Variants in RECK observed in about 807,000 individuals in gnomAD.
RECK encodes the protein reversion-inducing cysteine-rich protein with Kazal motifs.
RECK carries 69 observed loss-of-function variants against 115.1 expected under a neutral mutation model. That is an observed-to-expected ratio of 0.60 (90% CI 0.49 to 0.73). The LOEUF (loss-of-function observed/expected upper bound fraction) is 0.73. RECK is among the 30% of genes least tolerant of loss of function. The pLI is 0.00. For synonymous variants in RECK, 414 were observed against 419.7 expected (o/e 0.99, Z 0.17); for missense variants, 1,047 against 1,203.7 (o/e 0.87, Z 1.93).
chr9:36,073,241 G>GACACACACACACACACACACACACAC (rs778489595), intron 6 of RECK, among the ~76,000 whole-genome samples: 2 of 67,496 alleles, frequency 3.0e-5, no homozygotes, highest in African/African-American at 9.1e-5. Flanking sequence ...GACACACACA[G>GACACACACACACACACACACACACAC]ACACACACAC....
chr9:36,071,542 T>C (rs936509678), intron 6 of RECK, among the ~76,000 whole-genome samples: 4 of 152,236 alleles, frequency 2.6e-5, no homozygotes, highest in Non-Finnish European at 5.9e-5. Context: ...ATTTTTTTAC[T>C]TGTTTCTTCC....
chr9:36,057,004 CTATTTGCAGG>C (rs1465049543), intron 2 of RECK: 1 of 985,142 alleles, frequency 1.0e-6, no homozygotes, highest in African/African-American at 1.7e-5. Context: ...ACCGTCTCAG[CTATTTGCAGG>C]TAATCATGAA....
chr9:36,112,259 G>A, intron 15 of RECK, 46 bp from the exon 16 acceptor site: 1 of 1,575,250 alleles, frequency 6.3e-7, no homozygotes, highest in Admixed American at 1.7e-5. Flanking sequence ...ATAAGGGGAG[G>A]GGGAATATAC....
intron 8 of RECK, 48 bp from the exon 9 acceptor site, chr9:36,087,642 AAAAC>A: frequency 6.4e-7 from 1 of 1,571,050 alleles, no homozygotes; most frequent in Non-Finnish European, 8.6e-7. Flanking sequence ...AAGTACAATA[AAAAC>A]AAACAAAAAA....
At chr9:36,092,368 A>G (rs1424105087) in intron 10 of RECK, among the ~76,000 whole-genome samples, 2 of 151,452 alleles carry the variant, frequency 1.3e-5, no homozygotes, top group Non-Finnish European at 2.9e-5. Flanking sequence ...GAGGGTCTAC[A>G]TCTTTTTTTT....
intron 1 of RECK, among the ~76,000 whole-genome samples, chr9:36,049,595 C>G (rs954559604): frequency 2.0e-5 from 3 of 152,176 alleles, no homozygotes; most frequent in African/African-American, 7.2e-5. Flanking sequence ...GCCCATGGGC[C>G]ACCGTTTGGG....
intron 6 of RECK, chr9:36,066,851 T>C: frequency 1.6e-6 from 2 of 1,289,076 alleles, no homozygotes; most frequent in South Asian, 2.5e-5. Flanking sequence ...TATGTGTTGA[T>C]GAAGGACAAG....
chr9:36,049,345 A>AGG (rs1821195262), intron 1 of RECK, among the ~76,000 whole-genome samples: 1 of 152,158 alleles, frequency 6.6e-6, no homozygotes, highest in South Asian at 2.1e-4. Flanking sequence ...ATGTGGCTAA[A>AGG]AGCCCCAGCT....
chr9:36,118,984 G>A lies in RECK; in HGVS notation c.2464+17G>A, dbSNP rs775107099. 41 of 1,607,592 alleles carry A rather than the reference G, an allele frequency of 2.6e-5. No homozygotes were observed. The highest frequency in any genetic ancestry group is 2.2e-4 in the Middle Eastern group (1 of 4,498). ...TCCCACCGGGTAGGCTGGCAGTATC[G>A]GGGTGGACAGGGGAGGACTGAGAAG... is the stretch of plus-strand genomic sequence containing the variant. On this transcript the variant is annotated intron_variant, in intron 18 of 20. Coordinates refer to ENST00000377966, the MANE Select transcript of RECK (RefSeq NM_021111.3).
At chr9:36,114,634 C>T (rs865832395) in intron 16 of RECK, among the ~76,000 whole-genome samples, 4 of 152,198 alleles carry the variant, frequency 2.6e-5, no homozygotes, top group Admixed American at 6.5e-5. Flanking sequence ...AGGCAGATCG[C>T]TTGAGCTCAG....
At chr9:36,064,451 G>A (rs552447283) in intron 5 of RECK, among the ~76,000 whole-genome samples, 1 of 152,326 alleles carries the variant, frequency 6.6e-6, no homozygotes, top group African/African-American at 2.4e-5. Flanking sequence ...GGAAAAACTA[G>A]CCTCTTGGTT....
intron 10 of RECK, 27 bp downstream of exon 10, chr9:36,091,370 G>A: frequency 7.4e-7 from 1 of 1,357,558 alleles, no homozygotes; most frequent in Non-Finnish European, 9.8e-7. Flanking sequence ...TACATGGAAT[G>A]GAAATATTTT....
intron 6 of RECK, among the ~76,000 whole-genome samples, chr9:36,075,592 G>A (rs1822418613): frequency 6.6e-6 from 1 of 152,154 alleles, no homozygotes; most frequent in African/African-American, 2.4e-5. Context: ...ACACCTTGTA[G>A]AGGTTTAAAA....
At chr9:36,041,344 A>G (rs1176464685) in intron 1 of RECK, among the ~76,000 whole-genome samples, 2 of 152,232 alleles carry the variant, frequency 1.3e-5, no homozygotes, top group African/African-American at 4.8e-5. Flanking sequence ...TGTTCTGACC[A>G]TGAGATAATT....
At chr9:36,092,495 C>A (rs1823196760) in intron 10 of RECK, among the ~76,000 whole-genome samples, 1 of 151,576 alleles carries the variant, frequency 6.6e-6, no homozygotes, top group Non-Finnish European at 1.5e-5. Flanking sequence ...CCTGCCTCAG[C>A]CTCCCAAGTA....
chr9:36,110,139 C>T, intron 15 of RECK, 60 bp downstream of exon 15: 1 of 1,550,492 alleles, frequency 6.4e-7, no homozygotes, highest in South Asian at 1.2e-5. Flanking sequence ...ACACATTTTT[C>T]CCTTCAAGGC....
At chr9:36,108,223 G>A (rs922299333) in intron 14 of RECK, 59 bp downstream of exon 14, 21 of 1,249,670 alleles carry the variant, frequency 1.7e-5, no homozygotes, top group African/African-American at 4.6e-5. Flanking sequence ...TACTTTGTAG[G>A]AAGAATACTG....
intron 1 of RECK, among the ~76,000 whole-genome samples, chr9:36,038,605 A>G (rs1381767452): frequency 1.3e-5 from 2 of 152,234 alleles, no homozygotes; most frequent in African/African-American, 2.4e-5. Context: ...AAATAGCCAC[A>G]TTTATTATAA....
chr9:36,087,104 T>A (rs1222480937), intron 8 of RECK, among the ~76,000 whole-genome samples: 2 of 151,886 alleles, frequency 1.3e-5, no homozygotes, highest in South Asian at 4.2e-4. Context: ...TACTGACATA[T>A]AACTAAGAGT....
Sources: allele counts gnomAD v4.1 joint callset (sites outside exome capture counted in the v4.1 genomes callset), GRCh38; gene constraint gnomAD v4.1.1; transcripts MANE v1.5; gene names NCBI Gene and HGNC (gene_info 2026-07-23, HGNC 2026-07-21).